PCDH9: variants seen among roughly 807,000 people sequenced by gnomAD.
PCDH9 encodes protocadherin-9.
PCDH9 carries 24 observed loss-of-function variants against 70.6 expected under a neutral mutation model. The observed-to-expected ratio is 0.34, with a 90% confidence interval of 0.25 to 0.48. The LOEUF (loss-of-function observed/expected upper bound fraction) is 0.48. PCDH9 is among the 20% of genes least tolerant of loss of function. The pLI is 0.99. For synonymous variants in PCDH9, 562 were observed against 558.5 expected (o/e 1.01, Z -0.09); for missense variants, 1,281 against 1,503.6 (o/e 0.85, Z 2.45).
chr13:66,588,381 A>G (rs1013416866), intron 4 of PCDH9, among the ~76,000 whole-genome samples: 2 of 151,942 alleles, frequency 1.3e-5, no homozygotes, highest in Non-Finnish European at 2.9e-5. Flanking sequence ...TAGGTTTCCA[A>G]TAAGAGCGTT....
rs117463969 is a variant in PCDH9 at position 66,956,476 on chromosome 13, C to T, written c.3037-52871G>A. On this transcript the variant is annotated intron_variant, in intron 2 of 4. Transcript: ENST00000377865. ...TTACAAGTAGGAATTTGGCCAGGTG[C>T]GGTGGTGGTTCATGCCTGTAATCCC... Among the ~76,000 whole-genome samples, 1,055 of 152,060 alleles carry T rather than the reference C, an allele frequency of 6.9e-3. 5 individuals are homozygous for T. Among genetic ancestry groups the T allele is most frequent in the Non-Finnish European group, 0.011 (721 of 67,932 alleles).
At chr13:66,357,634 C>G (rs1437605923) in intron 4 of PCDH9, among the ~76,000 whole-genome samples, 1 of 151,960 alleles carries the variant, frequency 6.6e-6, no homozygotes, top group East Asian at 1.9e-4. Flanking sequence ...TAATTGGATA[C>G]AAAGATTCAA....
intron 3 of PCDH9, among the ~76,000 whole-genome samples, chr13:66,712,837 G>A (rs73499421): frequency 1.5e-3 from 222 of 152,224 alleles, no homozygotes; most frequent in African/African-American, 5.0e-3. Context: ...TATATTAAAT[G>A]TATGCATAGA....
At chr13:66,672,577 G>C (rs1390362398) in intron 3 of PCDH9, among the ~76,000 whole-genome samples, 1 of 152,178 alleles carries the variant, frequency 6.6e-6, no homozygotes, top group Non-Finnish European at 1.5e-5. Flanking sequence ...ACCCCAGAAT[G>C]GTAGATACAC....
intron 3 of PCDH9, among the ~76,000 whole-genome samples, chr13:66,798,555 T>G (rs2080280313): frequency 6.6e-6 from 1 of 152,176 alleles, no homozygotes; most frequent in Non-Finnish European, 1.5e-5. Context: ...AAATGATCTC[T>G]TGGCAATAGA....
rs71677008 is a variant in PCDH9 at position 66,559,817 on chromosome 13, A to AAATATAT, written c.3340+71392_3340+71393insATATATT. Among the ~76,000 whole-genome samples, 166 of 93,030 alleles carry AAATATAT rather than the reference A, an allele frequency of 1.8e-3. 6 individuals are homozygous for AAATATAT. Among genetic ancestry groups the AAATATAT allele is most frequent in the African/African-American group, 6.7e-3 (153 of 22,732 alleles). The allele number at this position is 93,030 out of a possible 152,430, so 61.0% of individuals were successfully genotyped here. A position where few individuals can be genotyped will look rare whatever the true frequency, so the allele number is the denominator to read the frequency against. ...TCCATCTCAAAAAAAAAAAAAAAAA[A>AAATATAT]ATATATATATATATATACACACACA... On this transcript the variant is annotated intron_variant, in intron 4 of 4. Coordinates refer to ENST00000377865, the MANE Select transcript of PCDH9 (RefSeq NM_203487.3).
rs1312609741 is a variant in PCDH9, at chr13:67,144,132, T to C, written c.3036+81273A>G. ...TGAAGAGGAAATGCAAATAGGACTA[T>C]CTTTAGAACTCTAGAACAGCAATTC... On this transcript the variant is annotated intron_variant, in intron 2 of 4. Coordinates refer to ENST00000377865, the MANE Select transcript of PCDH9 (RefSeq NM_203487.3). Among the ~76,000 whole-genome samples the C allele has an allele frequency of 3.9e-5, 6 of 152,176 alleles. No individual in the cohort carries two copies. In the East Asian group the frequency reaches 1.2e-3, roughly 29 times the overall value.
intron 4 of PCDH9, among the ~76,000 whole-genome samples, chr13:66,339,283 T>C (rs1956087403): frequency 2.0e-5 from 3 of 152,076 alleles, no homozygotes. Context: ...TTATCAGTAT[T>C]CTTAAATAGG....
At chr13:66,632,959 C>G (rs1165184088) in intron 3 of PCDH9, among the ~76,000 whole-genome samples, 1 of 151,876 alleles carries the variant, frequency 6.6e-6, no homozygotes, top group Non-Finnish European at 1.5e-5. Context: ...AGATTGTATC[C>G]ATTTCAAAGA....
At chr13:67,113,650 C>A (rs1347172367) in intron 2 of PCDH9, among the ~76,000 whole-genome samples, 1 of 152,060 alleles carries the variant, frequency 6.6e-6, no homozygotes, top group Non-Finnish European at 1.5e-5. Flanking sequence ...CGGGTTCCCG[C>A]CACTCTCCTG....
At chr13:66,670,307 A>G (rs2078155531) in intron 3 of PCDH9, among the ~76,000 whole-genome samples, 1 of 152,208 alleles carries the variant, frequency 6.6e-6, no homozygotes, top group Admixed American at 6.5e-5. Context: ...GGTCTAAGTA[A>G]TCAGTACTTT....
chr13:66,810,020 C>A (rs1053500977), intron 3 of PCDH9, among the ~76,000 whole-genome samples: 4 of 151,898 alleles, frequency 2.6e-5, no homozygotes, highest in Admixed American at 6.6e-5. Flanking sequence ...AAAAATTAAA[C>A]ATAGAGGAGA....
chr13:66,787,605 T>C (rs2080100234), intron 3 of PCDH9, among the ~76,000 whole-genome samples: 1 of 151,726 alleles, frequency 6.6e-6, no homozygotes, highest in South Asian at 2.1e-4. Context: ...GACAGAGCAA[T>C]ACTCTGTCTC....
intron 4 of PCDH9, among the ~76,000 whole-genome samples, chr13:66,411,076 T>C (rs1376874866): frequency 6.6e-6 from 1 of 152,196 alleles, no homozygotes; most frequent in Non-Finnish European, 1.5e-5. Context: ...ACCTTTTGAT[T>C]TTGCTCCTAA....
chr13:66,681,904 G>T (rs756218783), intron 3 of PCDH9, among the ~76,000 whole-genome samples: 2 of 144,044 alleles, frequency 1.4e-5, no homozygotes, highest in Non-Finnish European at 3.0e-5. Context: ...TGAAGTTAAA[G>T]ATATGTTTAG....
intron 2 of PCDH9, among the ~76,000 whole-genome samples, chr13:66,924,453 T>C (rs915569777): frequency 1.3e-5 from 2 of 151,810 alleles, no homozygotes; most frequent in African/African-American, 4.8e-5. Context: ...ATCATCTTTT[T>C]AAATTAGGTC....
intron 4 of PCDH9, among the ~76,000 whole-genome samples, chr13:66,316,705 C>G (rs1298465517): frequency 6.6e-6 from 1 of 152,060 alleles, no homozygotes; most frequent in Non-Finnish European, 1.5e-5. Context: ...ATATCCTCTA[C>G]TCAGTCAATT....
At chr13:66,743,518 G>T (rs948071600) in intron 3 of PCDH9, among the ~76,000 whole-genome samples, 4 of 151,810 alleles carry the variant, frequency 2.6e-5, no homozygotes, top group Non-Finnish European at 4.4e-5. Flanking sequence ...TTTGGAAGAG[G>T]TTAGTCAAAG....
At chr13:66,335,911 T>C (rs1183426283) in intron 4 of PCDH9, among the ~76,000 whole-genome samples, 5 of 152,094 alleles carry the variant, frequency 3.3e-5, no homozygotes, top group Admixed American at 1.3e-4. Flanking sequence ...CAAGTAAGCT[T>C]TGCCGCACAA....
Sources: gnomAD v4.1 joint callset for allele counts (sites outside exome capture counted in the v4.1 genomes callset) on GRCh38, gnomAD v4.1.1 for gene constraint, MANE v1.5 for transcripts, NCBI Gene and HGNC (gene_info 2026-07-23, HGNC 2026-07-21) for gene names.